The following ADGRG5 variants were observed in gnomAD, a reference collection of about 807,000 sequenced individuals.
ADGRG5 encodes adhesion G protein-coupled receptor G5.
ADGRG5 carries 37 observed loss-of-function variants against 53.2 expected under a neutral mutation model. That is an observed-to-expected ratio of 0.70 (90% CI 0.53 to 0.91). The LOEUF (loss-of-function observed/expected upper bound fraction) is 0.91, where lower values mean the gene tolerates loss of function less well. Ranked by LOEUF, ADGRG5 falls within the 40% of genes least tolerant of loss-of-function variation. The pLI is 0.00. For missense variants in ADGRG5, 614 were observed against 675.8 expected, an observed-to-expected ratio of 0.91 and a Z score of 1.01; for synonymous variants, 277 against 290.4, an observed-to-expected ratio of 0.95 and a Z score of 0.47.
the ADGRG5 span, among the ~76,000 whole-genome samples, chr16:57,534,743 A>G: frequency 4.2e-4 from 64 of 152,288 alleles, no homozygotes; most frequent in African/African-American, 1.5e-3. Context: ...GAGTCATCCT[A>G]AAGATCAGGA....
rs371078951 is a variant in ADGRG5 at position 57,575,795 on chromosome 16, C to T, written c.*257C>T. ...TTTGTCCTGGTACCTGGGCCCAGCTCGCCAGGGATGTGGGCAGAGCACCAG... is the reference window on the plus strand; with the variant it reads ...TTTGTCCTGGTACCTGGGCCCAGCTTGCCAGGGATGTGGGCAGAGCACCAG... On this transcript the variant is annotated 3_prime_UTR_variant, in exon 12 of 12. Coordinates refer to ENST00000349457, the MANE Select transcript of ADGRG5 (RefSeq NM_001304376.3). 5.6e-4 allele frequency: 267 copies of T among 475,292 alleles called. 1 individual carries two copies. Among genetic ancestry groups the T allele is most frequent in the East Asian group, 3.1e-3 (82 of 26,290 alleles). 29.4% of individuals were successfully genotyped at this position (475,292 alleles called of 1,614,324 possible). A position where few individuals can be genotyped will look rare whatever the true frequency, so the allele number is the denominator to read the frequency against.
chr16:57,562,159 TAAGG>T lies in ADGRG5; in HGVS notation c.64+3_64+6del. 1 of 1,598,328 alleles carries T rather than the reference TAAGG, an allele frequency of 6.3e-7. No homozygotes were observed. The highest frequency in any genetic ancestry group is 8.5e-7 in the Non-Finnish European group (1 of 1,169,842). On this transcript the variant is annotated splice_donor_5th_base_variant and intron_variant, in intron 2 of 11. Coordinates refer to ENST00000349457, the MANE Select transcript of ADGRG5 (RefSeq NM_001304376.3). ...TGACTTTGCAGAATGCAACAACAGGTAAGGGGGCTCTGCTGAACTGGGGGCAGCC... is the reference window on the plus strand; with the variant it reads ...TGACTTTGCAGAATGCAACAACAGGTGGGCTCTGCTGAACTGGGGGCAGCC...
chr16:57,563,151 C>T lies in ADGRG5; in HGVS notation c.201C>T (p.Thr67=). 6.2e-7 allele frequency: 1 copy of T among 1,614,162 alleles called. No homozygotes were observed. Reference sequence around the variant, plus strand: ...CCAGCTTCCCAGGCTACAACCTGACCTTGCAGACACCCACCATCCAGTCTC... The same window carrying T: ...CCAGCTTCCCAGGCTACAACCTGACTTTGCAGACACCCACCATCCAGTCTC... The part of the protein sequence containing the change: ...LNTSFPGYNL[T]LQTPTIQSLA... Residue 67 remains threonine (T), a synonymous_variant, in exon 4 of 12, where the codon ACC becomes ACT. Transcript: ENST00000349457.
At chr16:57,566,273 A>T (rs145420524) in intron 6 of ADGRG5, 37 of 233,596 alleles carry the variant, frequency 1.6e-4, no homozygotes, top group African/African-American at 7.8e-4. Flanking sequence ...TGGAGCGCCT[A>T]CTGTATAAAA....
At chr16:57,533,055 C>T in the ADGRG5 span, among the ~76,000 whole-genome samples, 2 of 152,186 alleles carry the variant, frequency 1.3e-5, no homozygotes. Flanking sequence ...GCCTGTTGGG[C>T]AGGGCCAGGG....
At chr16:57,571,182 G>C (rs536195574) in intron 10 of ADGRG5, among the ~76,000 whole-genome samples, 1 of 152,338 alleles carries the variant, frequency 6.6e-6, no homozygotes, top group Admixed American at 6.5e-5. Flanking sequence ...GCAGTTGGCT[G>C]TGGAACCTTT....
upstream of ADGRG5, among the ~76,000 whole-genome samples, chr16:57,541,623 G>A (rs1477912388): frequency 1.3e-5 from 2 of 152,180 alleles, no homozygotes; most frequent in Non-Finnish European, 2.9e-5. Flanking sequence ...GCAGAGAGCG[G>A]GGAGACCATG....
intron 1 of ADGRG5, among the ~76,000 whole-genome samples, chr16:57,549,899 GAT>G (rs2146762039): frequency 6.6e-6 from 1 of 152,292 alleles, no homozygotes; most frequent in East Asian, 1.9e-4. Flanking sequence ...GGTGTGTAGT[GAT>G]ATCTGATTGT....
rs928216027 is a variant in ADGRG5 at position 57,573,809 on chromosome 16, C to G, written c.1209-1006C>G. Among the ~76,000 whole-genome samples, 4 of 152,244 alleles carry G rather than the reference C, an allele frequency of 2.6e-5. No individual in the cohort carries two copies. The East Asian group carries it at 7.7e-4, about 29-fold the overall frequency. On this transcript the variant is annotated intron_variant, in intron 10 of 11. Transcript: ENST00000349457. ...CGATCTCGGCTCACTGCAACCTCTG[C>G]CTCTCGGGTTCAAGTGATTCTCCTG...
chr16:57,538,547 C>T (rs1335240958), upstream of ADGRG5, among the ~76,000 whole-genome samples: 2 of 152,146 alleles, frequency 1.3e-5, no homozygotes, highest in African/African-American at 4.8e-5. Flanking sequence ...CCGGGGTCAC[C>T]CTATGAGATG....
At chr16:57,531,732 C>G in the ADGRG5 span, among the ~76,000 whole-genome samples, 2 of 152,198 alleles carry the variant, frequency 1.3e-5, no homozygotes, top group African/African-American at 2.4e-5. Context: ...ATGTCCCTCT[C>G]TTTCCCAGCT....
At chr16:57,552,380 C>T (rs138205914) in intron 1 of ADGRG5, among the ~76,000 whole-genome samples, 1 of 152,314 alleles carries the variant, frequency 6.6e-6, no homozygotes, top group East Asian at 1.9e-4. Flanking sequence ...AATGTGGCCA[C>T]CCTCATGCAT....
At chr16:57,547,877 G>A (rs1398362910) in intron 1 of ADGRG5, among the ~76,000 whole-genome samples, 1 of 152,198 alleles carries the variant, frequency 6.6e-6, no homozygotes, top group Non-Finnish European at 1.5e-5. Context: ...AGCCTCCTGA[G>A]TAGCTAGGAT....
chr16:57,551,439 T>G (rs2032751240), intron 1 of ADGRG5, among the ~76,000 whole-genome samples: 1 of 152,218 alleles, frequency 6.6e-6, no homozygotes, highest in South Asian at 2.1e-4. Flanking sequence ...TCTAAATCTT[T>G]TGTTGTCATT....
chr16:57,567,693 G>T, intron 8 of ADGRG5, 102 bp downstream of exon 8: 1 of 1,482,264 alleles, frequency 6.7e-7, no homozygotes. Context: ...TCTCCAGAGG[G>T]TGGGGACCAG....
In ADGRG5 at chr16:57,574,543, T is replaced by C. The variant is rs2033457400; in HGVS notation, c.1209-272T>C. Among the ~76,000 whole-genome samples the C allele has an allele frequency of 6.6e-6, 1 of 152,094 alleles. No homozygotes were observed. The highest frequency in any genetic ancestry group is 2.4e-5 in the African/African-American group (1 of 41,414). ...ATGTGGAAAGGAGAGAGGAAGAATT[T>C]TCAGGGGGGTGAAGACATGGGGACG... On this transcript the variant is annotated intron_variant, in intron 10 of 11. Coordinates refer to ENST00000349457, the MANE Select transcript of ADGRG5 (RefSeq NM_001304376.3). The surrounding 1 kb of genome is among the most constrained non-coding windows in gnomAD (Gnocchi z 4.4).
At chr16:57,559,789 A>G (rs1364719053) in intron 1 of ADGRG5, among the ~76,000 whole-genome samples, 1 of 151,904 alleles carries the variant, frequency 6.6e-6, no homozygotes. Context: ...TCCCATTGTT[A>G]TGATGGGAAC....
At chr16:57,556,482 T>C (rs2032885625) in intron 1 of ADGRG5, among the ~76,000 whole-genome samples, 1 of 152,256 alleles carries the variant, frequency 6.6e-6, no homozygotes, top group Admixed American at 6.5e-5. Flanking sequence ...ATTTTCTCTT[T>C]TTTGTGATGG....
chr16:57,565,267 T>A (rs557855109), intron 6 of ADGRG5, 117 bp downstream of exon 6: 1 of 670,420 alleles, frequency 1.5e-6, no homozygotes, highest in Admixed American at 2.4e-5. Flanking sequence ...CCATCACACT[T>A]TGAAAATTCC....
Sources: allele counts gnomAD v4.1 joint callset (sites outside exome capture counted in the v4.1 genomes callset), GRCh38; gene constraint gnomAD v4.1.1; non-coding constraint Gnocchi (gnomAD v3.1); transcripts MANE v1.5; gene names NCBI Gene and HGNC (gene_info 2026-07-23, HGNC 2026-07-21).